EDA: variants seen among roughly 807,000 people sequenced by gnomAD.
EDA encodes the protein ectodysplasin A.
Under a neutral mutation model 23.6 loss-of-function variants are expected in EDA, and 2 were observed. The observed-to-expected ratio is 0.08, with a 90% CI of 0.03 to 0.27. The LOEUF is 0.27. Among genes scored for constraint, EDA ranks in the 10% least tolerant of loss-of-function variants. EDA has a pLI of 1.00. For missense variants in EDA, 229 were observed against 324.2 expected (o/e 0.71, Z 2.26); for synonymous variants, 131 against 132.0 (o/e 0.99, Z 0.05).
intron 1 of EDA, among the ~76,000 whole-genome samples, chrX:69,726,530 A>G (rs926830262): frequency 6.2e-5 from 7 of 112,764 alleles, no homozygotes; most frequent in Admixed American, 5.6e-4. Context: ...GTGCTCCTCT[A>G]ACTTTTAATA....
Position 70,035,759 on chromosome X carries a change from G to A in EDA, c.*150G>A. The A allele has an allele frequency of 2.8e-6, 2 of 717,025 alleles. No homozygotes were observed. Among genetic ancestry groups the A allele is most frequent in the East Asian group, 6.6e-5 (2 of 30,470 alleles). The allele number at this position is 717,025 out of a possible 1,213,427, so 59.1% of individuals were successfully genotyped here. ...TGTTATTTATTCCCCAGTGACTCCAGGGTGACAAGGCCTGCTTGACTTTCC... is the reference window on the plus strand; with the variant it reads ...TGTTATTTATTCCCCAGTGACTCCAAGGTGACAAGGCCTGCTTGACTTTCC... On this transcript the variant is annotated 3_prime_UTR_variant, in exon 8 of 8. Coordinates refer to ENST00000374552, the MANE Select transcript of EDA (RefSeq NM_001399.5).
chrX:69,896,171 A>G (rs1397186230), intron 1 of EDA, among the ~76,000 whole-genome samples: 2 of 110,863 alleles, frequency 1.8e-5, no homozygotes, highest in East Asian at 5.7e-4. Flanking sequence ...CGCATTTCTG[A>G]TATCTCTCTG....
rs758937877 is a variant in EDA, at chrX:70,027,876, T to C, written c.546T>C (p.Pro182=). The change falls in exon 4 of 8, where the codon CCT becomes CCC. Residue 182 remains proline, a synonymous_variant. Coordinates refer to ENST00000374552, the MANE Select transcript of EDA (RefSeq NM_001399.5). ...TTTCAGGAAAGAAAGCAGGACCTCC[T>C]GGACCCAATGGCCCTCCAGGACCCC... ...NKKKGKKAGP[P]GPNGPPGPPG... is the part of the protein sequence containing the mutation. 7.3e-6 allele frequency: 7 copies of C among 958,382 alleles called. No individual in the cohort carries two copies. The highest frequency in any genetic ancestry group is 1.0e-5 in the Non-Finnish European group (7 of 682,014). 79.0% of individuals were successfully genotyped at this position (958,382 alleles called of 1,213,427 possible).
chrX:69,896,398 AGTGTGTGTGT>A (rs373119823), intron 1 of EDA, among the ~76,000 whole-genome samples: 1 of 97,319 alleles, frequency 1.0e-5, no homozygotes, highest in Non-Finnish European at 2.1e-5. Context: ...TATGTGCATC[AGTGTGTGTGT>A]GTGTGTGTGT....
chrX:69,758,042 A>T (rs1365750845), intron 1 of EDA, among the ~76,000 whole-genome samples: 1 of 111,991 alleles, frequency 8.9e-6, no homozygotes, highest in Non-Finnish European at 1.9e-5. Flanking sequence ...ATTGCGTATC[A>T]CTCAGAAGTA....
At chrX:69,926,135 G>T (rs1195253115) in intron 1 of EDA, among the ~76,000 whole-genome samples, 1 of 109,470 alleles carries the variant, frequency 9.1e-6, no homozygotes, top group African/African-American at 3.3e-5. Context: ...TTTTTGGAGG[G>T]TTTTTTGTGT....
chrX:69,819,092 C>T (rs2016149445), intron 1 of EDA, among the ~76,000 whole-genome samples: 1 of 112,326 alleles, frequency 8.9e-6, no homozygotes, highest in African/African-American at 3.2e-5. Flanking sequence ...TGTCATTCAT[C>T]ACATAAACAG....
intron 1 of EDA, among the ~76,000 whole-genome samples, chrX:69,640,252 TAATC>T (rs1932825277): frequency 8.9e-6 from 1 of 111,852 alleles, no homozygotes; most frequent in East Asian, 2.8e-4. Flanking sequence ...TATTCCTAAT[TAATC>T]AATATTTGAT....
intron 1 of EDA, among the ~76,000 whole-genome samples, chrX:69,670,532 T>C (rs753357934): frequency 1.9e-4 from 21 of 110,964 alleles, no homozygotes; most frequent in Non-Finnish European, 2.8e-4. Context: ...AATCCCATAA[T>C]GTGAAAGTTT....
intron 1 of EDA, among the ~76,000 whole-genome samples, chrX:69,828,645 C>T (rs1376937227): frequency 8.9e-6 from 1 of 112,393 alleles, no homozygotes; most frequent in Non-Finnish European, 1.9e-5. Context: ...GATGGAAATG[C>T]AGAAATCACC....
intron 1 of EDA, among the ~76,000 whole-genome samples, chrX:69,748,282 G>GA (rs1017894707): frequency 2.7e-5 from 3 of 111,174 alleles, no homozygotes; most frequent in African/African-American, 9.8e-5. Context: ...AACACCTGTT[G>GA]AATCTGTAAT....
intron 1 of EDA, among the ~76,000 whole-genome samples, chrX:69,850,474 C>G (rs971009441): frequency 8.9e-6 from 1 of 112,130 alleles, no homozygotes; most frequent in African/African-American, 3.2e-5. Flanking sequence ...TTAATCCAAT[C>G]AGGAACCTAG....
intron 1 of EDA, among the ~76,000 whole-genome samples, chrX:69,859,989 AT>A (rs144702355): frequency 0.31 from 31,460 of 100,526 alleles, 4,418 homozygotes; most frequent in Middle Eastern, 0.57. Context: ...CCTTCCTTGT[AT>A]TTTTTTTTTT....
At chrX:69,874,085 C>T (rs1180428745) in intron 1 of EDA, among the ~76,000 whole-genome samples, 5 of 111,604 alleles carry the variant, frequency 4.5e-5, no homozygotes, top group South Asian at 3.8e-4. Context: ...CCGAGGCAGG[C>T]GGATCACCTG....
chrX:69,716,585 T>C (rs2012346899), intron 1 of EDA, among the ~76,000 whole-genome samples: 1 of 111,047 alleles, frequency 9.0e-6, no homozygotes, highest in Non-Finnish European at 1.9e-5. Context: ...AATTTTAAAA[T>C]AGTTTTTTCT....
intron 1 of EDA, among the ~76,000 whole-genome samples, chrX:69,926,550 A>C (rs1470294469): frequency 2.7e-5 from 3 of 111,699 alleles, no homozygotes; most frequent in Admixed American, 9.5e-5. Context: ...GTTCTTTTGC[A>C]TTTGCTGAGA....
chrX:69,656,030 C>T (rs188416796), intron 1 of EDA, among the ~76,000 whole-genome samples: 46 of 107,875 alleles, frequency 4.3e-4, no homozygotes, highest in African/African-American at 1.5e-3. Flanking sequence ...CTTGTCTTTC[C>T]CTCCTAATTT....
rs1433813719 is a variant in EDA at position 69,616,337 on chromosome X, A to G, written c.29A>G (p.Glu10Gly). ...GGCTACCCGGAGGTGGAGCGCAGGG[A>G]ACTCCTGCCTGCAGCAGCGCCGCGG... The part of the protein sequence containing the change: MGYPEVERR[E>G]LLPAAAPRER... Residue 10 changes from glutamate (E) to glycine (G), a missense_variant, in exon 1 of 8, where the codon GAA becomes GGA. Glu to Gly is a moderately conservative substitution (Grantham distance 98, BLOSUM62 -2). Coordinates refer to ENST00000374552, the MANE Select transcript of EDA (RefSeq NM_001399.5). 2 of 1,201,590 alleles carry G rather than the reference A, an allele frequency of 1.7e-6. No individual in the cohort carries two copies. Among genetic ancestry groups the G allele is most frequent in the African/African-American group, 3.5e-5 (2 of 57,407 alleles).
At chrX:69,755,450 T>C in intron 1 of EDA, among the ~76,000 whole-genome samples, 1 of 111,769 alleles carries the variant, frequency 8.9e-6, no homozygotes. Flanking sequence ...GGCACCTGGC[T>C]GTATGAGGTG....
Sources: gnomAD v4.1 joint callset for allele counts (sites outside exome capture counted in the v4.1 genomes callset) on GRCh38, gnomAD v4.1.1 for gene constraint, MANE v1.5 for transcripts, NCBI Gene and HGNC (gene_info 2026-07-23, HGNC 2026-07-21) for gene names.